The following KREMEN1 variants were observed in gnomAD, a reference collection of about 807,000 sequenced individuals.
The protein encoded by KREMEN1 is kringle containing transmembrane protein 1.
A neutral mutation model predicts 46.5 loss-of-function variants in KREMEN1; 30 were observed. That is an observed-to-expected ratio of 0.65 (90% CI 0.48 to 0.88). The LOEUF (loss-of-function observed/expected upper bound fraction) is 0.88, where lower values mean the gene tolerates loss of function less well. Ranked by LOEUF, KREMEN1 falls within the 40% of genes least tolerant of loss-of-function variation. The probability of loss-of-function intolerance (pLI) is 0.00; values close to 1 mark genes in which losing one functional copy is unlikely to be tolerated. For synonymous variants in KREMEN1, 214 were observed against 230.6 expected, an observed-to-expected ratio of 0.93 and a Z score of 0.65; for missense variants, 533 against 596.9, an observed-to-expected ratio of 0.89 and a Z score of 1.11.
chr22:29,102,442 AG>A (rs1186574742), intron 3 of KREMEN1, among the ~76,000 whole-genome samples: 1 of 152,264 alleles, frequency 6.6e-6, no homozygotes, highest in Admixed American at 6.5e-5. Flanking sequence ...AAAGAAGCAG[AG>A]GGAGAGGAAA....
At position 29,142,029 on chromosome 22, in the gene KREMEN1, C is replaced by T. The variant is rs140385700; in HGVS notation, c.1294C>T (p.Pro432Ser). The change falls in exon 9 of 9, where the codon CCT becomes TCT. Residue 432 changes from proline to serine, a missense_variant. Pro to Ser is a moderately conservative substitution (Grantham distance 74). Transcript: ENST00000400335. Reference protein sequence around the residue: ...SGEIWSIFYKPSTSISIFKKK... With the variant: ...SGEIWSIFYKSSTSISIFKKK... ...GGAAATCTGGAGCATTTTTTACAAG[C>T]CTTCCACTTCAATTTCCATCTTTAA... The T allele has an allele frequency of 2.5e-6, 4 of 1,613,200 alleles. No individual in the cohort carries two copies. The highest frequency in any genetic ancestry group is 3.4e-6 in the Non-Finnish European group (4 of 1,179,648).
At chr22:29,134,567 C>G (rs76626917) in intron 5 of KREMEN1, among the ~76,000 whole-genome samples, 1 of 152,124 alleles carries the variant, frequency 6.6e-6, no homozygotes, top group Non-Finnish European at 1.5e-5. Context: ...TCTTTCCCCC[C>G]TCCCACCCTT....
intron 8 of KREMEN1, among the ~76,000 whole-genome samples, chr22:29,141,297 GTC>G (rs2038759018): frequency 7.1e-6 from 1 of 140,840 alleles, no homozygotes; most frequent in Admixed American, 7.0e-5. Context: ...GTGTGTGTGT[GTC>G]TGTGTGTGTG....
chr22:29,077,875 A>G (rs2093123413), intron 1 of KREMEN1, among the ~76,000 whole-genome samples: 1 of 152,234 alleles, frequency 6.6e-6, no homozygotes, highest in African/African-American at 2.4e-5. Context: ...AAAATGGTAC[A>G]TTTTATGTTA....
chr22:29,100,692 A>G (rs1481615629), intron 3 of KREMEN1, among the ~76,000 whole-genome samples: 1 of 152,222 alleles, frequency 6.6e-6, no homozygotes, highest in Non-Finnish European at 1.5e-5. Context: ...TTATTAAAAA[A>G]GCAGTTAACA....
intron 5 of KREMEN1, among the ~76,000 whole-genome samples, chr22:29,129,317 A>G (rs1050450037): frequency 2.0e-5 from 3 of 151,934 alleles, no homozygotes; most frequent in African/African-American, 7.3e-5. Flanking sequence ...ACTGTACTCC[A>G]GCCTGGGCGA....
At chr22:29,078,409 G>A (rs1181289339) in intron 1 of KREMEN1, among the ~76,000 whole-genome samples, 2 of 151,746 alleles carry the variant, frequency 1.3e-5, no homozygotes, top group African/African-American at 4.8e-5. Context: ...AGAACAAACC[G>A]TTGAGAGATC....
chr22:29,157,654 C>T (rs1390792204), intron 9 of KREMEN1, among the ~76,000 whole-genome samples: 2 of 152,184 alleles, frequency 1.3e-5, no homozygotes, highest in African/African-American at 4.8e-5. Context: ...ATGACTTTGC[C>T]TCTGTGGCCA....
chr22:29,167,047 A>G (rs2039058587), exon 10 of KREMEN1: 1 of 1,551,454 alleles, frequency 6.4e-7, no homozygotes, highest in Non-Finnish European at 8.7e-7. Flanking sequence ...TTCCCAGGCA[A>G]TTCAGGACTC....
chr22:29,125,153 C>T lies in KREMEN1; in HGVS notation c.478-110C>T, dbSNP rs546385390. ...AGGGGGAGGTCCCAGGGGAAGGGACCCTGGGAAGTTGAGGCTGATTGCTTG... is the reference window on the plus strand; with the variant it reads ...AGGGGGAGGTCCCAGGGGAAGGGACTCTGGGAAGTTGAGGCTGATTGCTTG... On this transcript the variant is annotated intron_variant, in intron 4 of 8. Coordinates refer to ENST00000400335, the MANE Select transcript of KREMEN1 (RefSeq NM_001039570.3). 4.7e-5 allele frequency: 58 copies of T among 1,228,550 alleles called. No homozygotes were observed. The South Asian group carries it at 7.0e-4, about 15-fold the overall frequency. The allele number at this position is 1,228,550 out of a possible 1,614,324, so 76.1% of individuals were successfully genotyped here. A position where few individuals can be genotyped will look rare whatever the true frequency, so the allele number is the denominator to read the frequency against.
chr22:29,133,618 C>T (rs2038603455), intron 5 of KREMEN1, among the ~76,000 whole-genome samples: 1 of 152,020 alleles, frequency 6.6e-6, no homozygotes, highest in African/African-American at 2.4e-5. Flanking sequence ...CAACATTTAA[C>T]TATGATGTGT....
At chr22:29,161,245 T>C (rs113599891) in intron 9 of KREMEN1, among the ~76,000 whole-genome samples, 2,843 of 151,976 alleles carry the variant, frequency 0.019, 56 homozygotes, top group African/African-American at 0.044. Context: ...TGGTGGCTCA[T>C]GCCTGTGATC....
At chr22:29,112,885 T>C (rs1010171065) in intron 3 of KREMEN1, among the ~76,000 whole-genome samples, 100 of 152,328 alleles carry the variant, frequency 6.6e-4, no homozygotes, top group African/African-American at 2.3e-3. Context: ...GTAGTAATGC[T>C]TTTGAAGCAA....
intron 9 of KREMEN1, among the ~76,000 whole-genome samples, chr22:29,153,231 A>AT (rs2038931679): frequency 6.6e-6 from 1 of 152,036 alleles, no homozygotes; most frequent in Non-Finnish European, 1.5e-5. Context: ...ACTGCATCTC[A>AT]TTTTATCAGC....
chr22:29,098,534 T>C (rs2037919206), intron 2 of KREMEN1, among the ~76,000 whole-genome samples: 1 of 152,176 alleles, frequency 6.6e-6, no homozygotes, highest in Non-Finnish European at 1.5e-5. Context: ...AGCCTTGGAA[T>C]CTCCATGCTC....
chr22:29,166,333 C>T (rs920418562), intron 9 of KREMEN1, among the ~76,000 whole-genome samples: 1 of 151,788 alleles, frequency 6.6e-6, no homozygotes. Context: ...GGTGTCTGCT[C>T]GTGTGGAGCC....
intron 1 of KREMEN1, among the ~76,000 whole-genome samples, chr22:29,084,760 G>C (rs1424337321): frequency 6.6e-6 from 1 of 152,220 alleles, no homozygotes; most frequent in African/African-American, 2.4e-5. Flanking sequence ...TCTTATAATG[G>C]TCTTTTAAGT....
intron 3 of KREMEN1, among the ~76,000 whole-genome samples, chr22:29,120,244 A>T (rs375863137): frequency 6.4e-3 from 140 of 21,722 alleles, no homozygotes; most frequent in South Asian, 0.021. Flanking sequence ...GAGGTGATGA[A>T]GGAAACAGGG....
intron 5 of KREMEN1, among the ~76,000 whole-genome samples, chr22:29,134,297 GC>G (rs913745944): frequency 5.3e-5 from 8 of 152,030 alleles, no homozygotes; most frequent in Admixed American, 5.2e-4. Flanking sequence ...AGCTGGGACT[GC>G]AGGCACACAC....
Sources: gnomAD v4.1 joint callset for allele counts (sites outside exome capture counted in the v4.1 genomes callset) on GRCh38, gnomAD v4.1.1 for gene constraint, MANE v1.5 for transcripts, NCBI Gene and HGNC (gene_info 2026-07-23, HGNC 2026-07-21) for gene names.